Variants in ZNF544 observed in about 807,000 individuals in gnomAD.
ZNF544 encodes the protein zinc finger protein AF020591.
ZNF544 carries 10 observed loss-of-function variants against 13.5 expected under a neutral mutation model. The observed-to-expected ratio is 0.74, with a 90% confidence interval of 0.46 to 1.25. ZNF544 has a LOEUF of 1.25. ZNF544 is among the 50% of genes most tolerant of loss of function. ZNF544 has a pLI of 0.00. For synonymous variants in ZNF544, 323 were observed against 300.5 expected (o/e 1.07, Z -0.77); for missense variants, 896 against 845.6 (o/e 1.06, Z -0.74).
At chr19:58,240,626 G>T (rs963670748) in intron 3 of ZNF544, among the ~76,000 whole-genome samples, 2 of 152,058 alleles carry the variant, frequency 1.3e-5, no homozygotes, top group East Asian at 3.9e-4. Context: ...GCTGGGCATT[G>T]TGATGCGCGC....
At position 58,276,962 on chromosome 19, in the gene ZNF544, A is replaced by T. The variant is rs111575877; in HGVS notation, c.352-221A>T. ...CTAGGTTACTTTTCTTGTAAGGATT[A>T]AAGCAGAGGGGACTTCCTTATTATG... On this transcript the variant is annotated intron_variant, in intron 6 of 6. Coordinates refer to the ZNF544 transcript ENST00000595981. Among the ~76,000 whole-genome samples the T allele has an allele frequency of 2.6e-5, 4 of 152,334 alleles. 1 individual carries two copies. The highest frequency in any genetic ancestry group is 9.6e-5 in the African/African-American group (4 of 41,576).
In ZNF544 at chr19:58,262,295, C is replaced by A; in HGVS notation, c.1689C>A (p.Leu563=). 6.2e-7 allele frequency: 1 copy of A among 1,613,804 alleles called. No homozygotes were observed. The highest frequency in any genetic ancestry group is 1.7e-4 in the Middle Eastern group (1 of 6,060). ...CGKSFRWNSN[L]VIHQRIHTGE... ...AATCCTTCAGATGGAACTCTAACCT[C>A]GTCATACATCAGAGAATTCATACTG... The change falls in exon 7 of 7, where the codon CTC becomes CTA. Residue 563 remains leucine (L), a synonymous_variant. Transcript: ENST00000687789.
chr19:58,229,835 G>A (rs1216369868), intron 2 of ZNF544: 1 of 152,370 alleles, frequency 6.6e-6, no homozygotes, highest in Admixed American at 6.5e-5. Flanking sequence ...GAAGGCATGG[G>A]GTTGGATTTC....
intron 5 of ZNF544, 27 bp from the exon 6 acceptor site, chr19:58,246,684 G>C: frequency 6.2e-7 from 1 of 1,612,238 alleles, no homozygotes; most frequent in Non-Finnish European, 8.5e-7. Flanking sequence ...AAGCAGAGGG[G>C]CAAGTCCTTT....
intron 6 of ZNF544, among the ~76,000 whole-genome samples, chr19:58,249,958 A>C (rs567885496): frequency 6.6e-6 from 1 of 152,198 alleles, no homozygotes; most frequent in African/African-American, 2.4e-5. Context: ...TAGTCCTACC[A>C]AAAGGGATGT....
downstream of ZNF544, among the ~76,000 whole-genome samples, chr19:58,266,405 C>T (rs529452132): frequency 3.5e-4 from 51 of 147,638 alleles, no homozygotes; most frequent in Middle Eastern, 3.5e-3. Flanking sequence ...GTCCCAGCTA[C>T]GAGGGAGGCT....
Position 58,263,508 on chromosome 19 carries a change from G to C in ZNF544, c.*754G>C. 3.0e-6 allele frequency: 3 copies of C among 985,420 alleles called. No individual in the cohort carries two copies. The highest frequency in any genetic ancestry group is 3.6e-6 in the Non-Finnish European group (3 of 829,940). The allele number at this position is 985,420 out of a possible 1,614,324, so 61.0% of individuals were successfully genotyped here. A position where few individuals can be genotyped will look rare whatever the true frequency, so the allele number is the denominator to read the frequency against. ...TTTCCCTGCCAGACCTTGTTTACTA[G>C]AAATCAGGTGGCCAAAACATGACTC... On this transcript the variant is annotated 3_prime_UTR_variant, in exon 7 of 7. Coordinates refer to ENST00000687789, the MANE Select transcript of ZNF544 (RefSeq NM_014480.4).
At chr19:58,250,141 T>G (rs1456840489) in intron 6 of ZNF544, among the ~76,000 whole-genome samples, 1 of 152,200 alleles carries the variant, frequency 6.6e-6, no homozygotes, top group Non-Finnish European at 1.5e-5. Context: ...GGCTCCTAGT[T>G]TTTCAAGACA....
intron 4 of ZNF544, among the ~76,000 whole-genome samples, chr19:58,245,155 G>T (rs1444265454): frequency 1.3e-5 from 2 of 151,938 alleles, no homozygotes; most frequent in Non-Finnish European, 2.9e-5. Flanking sequence ...GGCCAGGCTG[G>T]TTTCGAACTC....
At chr19:58,244,503 C>A (rs2044632213) in intron 4 of ZNF544, among the ~76,000 whole-genome samples, 1 of 152,064 alleles carries the variant, frequency 6.6e-6, no homozygotes, top group Non-Finnish European at 1.5e-5. Context: ...TTGCAGACAG[C>A]CGTTGTCCGA....
intron 6 of ZNF544, among the ~76,000 whole-genome samples, chr19:58,255,208 G>T (rs937288378): frequency 2.2e-4 from 31 of 140,926 alleles, no homozygotes; most frequent in Admixed American, 2.9e-4. Context: ...TTTTGGTCTT[G>T]TTGCCCAGGC....
Position 58,261,473 on chromosome 19 carries a change from GCC to G in ZNF544, c.868_869del (p.Pro290SerfsTer9). ...SHSVSLNEQK[P>X]VHFGKSQYEC... Reference sequence around the variant, plus strand: ...ACAGTGTGTCTCTGAATGAACAGAAGCCAGTGCATTTTGGGAAAAGTCAGTAT... The same window carrying G: ...ACAGTGTGTCTCTGAATGAACAGAAGAGTGCATTTTGGGAAAAGTCAGTAT... On this transcript the variant is annotated frameshift_variant, in exon 7 of 7. Transcript: ENST00000687789. LOFTEE classifies it low-confidence loss of function (END_TRUNC). 1.2e-6 allele frequency: 2 copies of G among 1,614,182 alleles called. No individual in the cohort carries two copies. The highest frequency in any genetic ancestry group is 1.7e-6 in the Non-Finnish European group (2 of 1,180,046).
intron 5 of ZNF544, among the ~76,000 whole-genome samples, chr19:58,269,687 G>A (rs1378956411): frequency 2.0e-5 from 3 of 151,634 alleles, no homozygotes; most frequent in South Asian, 4.2e-4. Context: ...TTGGGAGACC[G>A]AGGCAGGTGG....
intron 3 of ZNF544, among the ~76,000 whole-genome samples, chr19:58,233,217 C>G (rs1366500531): frequency 6.6e-6 from 1 of 152,082 alleles, no homozygotes; most frequent in Admixed American, 6.6e-5. Flanking sequence ...TCCACTGAGT[C>G]CCTCCCACAA....
chr19:58,266,952 C>T (rs987033780), downstream of ZNF544: 2 of 152,230 alleles, frequency 1.3e-5, no homozygotes, highest in Non-Finnish European at 2.9e-5. Context: ...TTCCTGTCTG[C>T]TTTCTGATAG....
intron 6 of ZNF544, among the ~76,000 whole-genome samples, chr19:58,254,645 G>A (rs911181952): frequency 2.0e-5 from 3 of 152,162 alleles, no homozygotes; most frequent in Non-Finnish European, 4.4e-5. Context: ...TCCCTCCAGT[G>A]GCGATGGTCT....
chr19:58,234,976 G>A (rs1202029114), intron 3 of ZNF544, among the ~76,000 whole-genome samples: 1 of 152,200 alleles, frequency 6.6e-6, no homozygotes, highest in Admixed American at 6.5e-5. Context: ...ATTGACACAG[G>A]AAGATTTCTC....
intron 5 of ZNF544, among the ~76,000 whole-genome samples, chr19:58,273,833 G>GTCA (rs1430927625): frequency 6.6e-6 from 1 of 150,826 alleles, no homozygotes; most frequent in Non-Finnish European, 1.5e-5. Flanking sequence ...GTCTTGCTCT[G>GTCA]CCGCCAGGCT....
intron 6 of ZNF544, among the ~76,000 whole-genome samples, chr19:58,255,536 G>A (rs929898453): frequency 2.0e-5 from 3 of 152,188 alleles, no homozygotes; most frequent in East Asian, 1.9e-4. Flanking sequence ...AGCAATGACC[G>A]TCAACCTATG....
Sources: allele counts gnomAD v4.1 joint callset (sites outside exome capture counted in the v4.1 genomes callset), GRCh38; gene constraint gnomAD v4.1.1; transcripts MANE v1.5; gene names NCBI Gene and HGNC (gene_info 2026-07-23, HGNC 2026-07-21).